The following RECQL variants were observed in gnomAD, a reference collection of about 807,000 sequenced individuals.
RECQL encodes the protein ATP-dependent DNA helicase Q1.
RECQL carries 73 observed loss-of-function variants against 75.8 expected under a neutral mutation model. That is an observed-to-expected ratio of 0.96 (90% CI 0.80 to 1.17). The LOEUF (loss-of-function observed/expected upper bound fraction) is 1.17. RECQL is among the 50% of genes most tolerant of loss of function. The pLI, the probability that RECQL is intolerant of heterozygous loss-of-function variation, is 0.00. For missense variants in RECQL, 699 were observed against 772.1 expected (o/e 0.91, Z 1.12); for synonymous variants, 248 against 254.4 (o/e 0.97, Z 0.24).
At chr12:21,492,878 C>G (rs1347948723) in intron 2 of RECQL, among the ~76,000 whole-genome samples, 1 of 152,232 alleles carries the variant, frequency 6.6e-6, no homozygotes, top group Non-Finnish European at 1.5e-5. Context: ...AGCATCCTAA[C>G]TTTGTCCTCA....
Position 21,475,875 on chromosome 12 carries a change from G to A in RECQL, c.950-51C>T, listed in dbSNP as rs763501811. 3.1e-5 allele frequency: 45 copies of A among 1,461,092 alleles called. No homozygotes were observed. The Admixed American group carries it at 7.3e-4, about 24-fold the overall frequency. The allele number at this position is 1,461,092 out of a possible 1,614,324, so 90.5% of individuals were successfully genotyped here. ...AGATAGATATGGCATATTCCTGGAA[G>A]ATGGTTTTCAACACACACATTCAGG... On this transcript the variant is annotated intron_variant, in intron 8 of 14. Coordinates refer to ENST00000444129, the MANE Select transcript of RECQL (RefSeq NM_002907.4).
At position 21,477,822 on chromosome 12, in the gene RECQL, C is replaced by T. The variant is rs1943114135; in HGVS notation, c.848G>A (p.Arg283Lys). Residue 283 changes from arginine to lysine, a missense_variant, in exon 7 of 15, where the codon AGG becomes AAG. Arg to Lys is a conservative substitution (Grantham distance 26). This residue lies in a region of RECQL where 669 missense variants were observed against 713.5 expected (regional missense o/e 0.94). Coordinates refer to ENST00000444129, the MANE Select transcript of RECQL (RefSeq NM_002907.4). ...KCFTFTASFN[R>K]PNLYYEVRQK... Reference sequence around the variant, plus strand: ...ACATACCTCATAATATAGATTTGGCCTATTAAAAGAAGCTGTAAAAGTAAA... The same window carrying T: ...ACATACCTCATAATATAGATTTGGCTTATTAAAAGAAGCTGTAAAAGTAAA... 6.2e-7 allele frequency: 1 copy of T among 1,612,194 alleles called. No homozygotes were observed. Among genetic ancestry groups the T allele is most frequent in the East Asian group, 2.2e-5 (1 of 44,836 alleles).
intron 12 of RECQL, among the ~76,000 whole-genome samples, chr12:21,472,694 C>A (rs1943002462): frequency 6.6e-6 from 1 of 151,998 alleles, no homozygotes; most frequent in Admixed American, 6.6e-5. Context: ...CTTGTTTTGA[C>A]CAGATCCTGT....
Position 21,484,953 on chromosome 12 carries a change from GA to G in RECQL, c.502-1380del, listed in dbSNP as rs567815841. 1.0e-3 allele frequency among the ~76,000 whole-genome samples: 155 copies of G among 152,036 alleles called. 1 individual carries two copies. In the Middle Eastern group the frequency reaches 0.014, roughly 13 times the overall value. On this transcript the variant is annotated intron_variant, in intron 5 of 14. Coordinates refer to ENST00000444129, the MANE Select transcript of RECQL (RefSeq NM_002907.4). ...ATTTTCATCATGCAGAGTTAATGAG[GA>G]AAAAGTTTATTTTTGTAGAAAAAGT...
At chr12:21,474,414 A>C (rs1213054746) in intron 11 of RECQL, among the ~76,000 whole-genome samples, 3 of 152,090 alleles carry the variant, frequency 2.0e-5, no homozygotes, top group Non-Finnish European at 4.4e-5. Context: ...AGCCACCCTA[A>C]GTAGATTTAA....
chr12:21,495,348 G>C (rs1943485505), intron 2 of RECQL, among the ~76,000 whole-genome samples: 1 of 152,194 alleles, frequency 6.6e-6, no homozygotes, highest in South Asian at 2.1e-4. Flanking sequence ...TGTAATCCCA[G>C]CACTTTGGGA....
intron 6 of RECQL, among the ~76,000 whole-genome samples, chr12:21,482,902 A>C (rs1223428904): frequency 6.6e-6 from 1 of 152,204 alleles, no homozygotes; most frequent in Non-Finnish European, 1.5e-5. Context: ...ATATCTCATC[A>C]AAGTTTCATG....
At chr12:21,493,040 T>C (rs913934579) in intron 2 of RECQL, among the ~76,000 whole-genome samples, 1 of 152,164 alleles carries the variant, frequency 6.6e-6, no homozygotes, top group Admixed American at 6.5e-5. Context: ...TCACATAAGT[T>C]TTAATCCCCA....
intron 7 of RECQL, among the ~76,000 whole-genome samples, chr12:21,477,370 G>T (rs779499775): frequency 1.3e-5 from 2 of 152,124 alleles, no homozygotes; most frequent in African/African-American, 2.4e-5. Context: ...ACAGCTGTTA[G>T]GTTATTTGAT....
intron 6 of RECQL, among the ~76,000 whole-genome samples, chr12:21,481,683 C>T (rs983042896): frequency 6.6e-6 from 1 of 152,138 alleles, no homozygotes. Context: ...AGAATGCAGT[C>T]TTCGGGCTAC....
At chr12:21,473,484 A>G (rs1943023079) in intron 12 of RECQL, 67 bp downstream of exon 12, 1 of 1,196,864 alleles carries the variant, frequency 8.4e-7, no homozygotes, top group African/African-American at 1.5e-5. Context: ...ATTTCTCAGA[A>G]CGTATCTCTG....
chr12:21,500,330 G>A (rs1418145037), intron 1 of RECQL, among the ~76,000 whole-genome samples: 3 of 152,098 alleles, frequency 2.0e-5, no homozygotes, highest in African/African-American at 2.4e-5. Context: ...ATGGACAAGT[G>A]GAAAATGGGG....
In RECQL at chr12:21,469,961, G is replaced by A; in HGVS notation, c.*233C>T. On this transcript the variant is annotated 3_prime_UTR_variant, in exon 15 of 15. Coordinates refer to ENST00000444129, the MANE Select transcript of RECQL (RefSeq NM_002907.4). ...TATTCTCAAATATTTTACATTTAAAGGGTTTTACATAAAAATTTTTCCCTT... is the reference window on the plus strand; with the variant it reads ...TATTCTCAAATATTTTACATTTAAAAGGTTTTACATAAAAATTTTTCCCTT... 2.3e-6 allele frequency: 1 copy of A among 436,284 alleles called. No homozygotes were observed. The highest frequency in any genetic ancestry group is 3.9e-6 in the Non-Finnish European group (1 of 259,516). The allele number at this position is 436,284 out of a possible 1,614,324, so 27.0% of individuals were successfully genotyped here.
chr12:21,494,389 T>G (rs1408727118), intron 2 of RECQL, among the ~76,000 whole-genome samples: 1 of 152,220 alleles, frequency 6.6e-6, no homozygotes, highest in Non-Finnish European at 1.5e-5. Context: ...ATAAAGGTAC[T>G]GAAACAGGGT....
In RECQL at chr12:21,469,561, A is replaced by C. The variant is rs534231933; in HGVS notation, c.*633T>G. ...TAATATTGCTTTCAAAAAGATGGTT[A>C]TGTCAAAAGAAAAAATATAGCTAAG... is the stretch of plus-strand genomic sequence containing the variant. On this transcript the variant is annotated 3_prime_UTR_variant, in exon 15 of 15. Transcript: ENST00000444129. 28 of 152,066 alleles carry C rather than the reference A, an allele frequency of 1.8e-4. No individual in the cohort carries two copies. The highest frequency in any genetic ancestry group is 6.5e-4 in the African/African-American group (27 of 41,440). The allele number at this position is 152,066 out of a possible 1,614,324, so 9.4% of individuals were successfully genotyped here.
chr12:21,471,863 G>A (rs926881511), intron 12 of RECQL, among the ~76,000 whole-genome samples: 23 of 152,090 alleles, frequency 1.5e-4, no homozygotes, highest in Admixed American at 1.2e-3. Context: ...GGGGTTTACA[G>A]TGATATATAT....
In RECQL at chr12:21,491,518, C is replaced by T. The variant is rs1344601217; in HGVS notation, c.214+1G>A. ...GCAAAAAAAAAAAAAAAAAAGTTAACCTTCTTTATTCCAAGCGGCAGGTGA... is the reference window on the plus strand; with the variant it reads ...GCAAAAAAAAAAAAAAAAAAGTTAATCTTCTTTATTCCAAGCGGCAGGTGA... On this transcript the variant is annotated splice_donor_variant, in intron 3 of 14. Coordinates refer to ENST00000444129, the MANE Select transcript of RECQL (RefSeq NM_002907.4). LOFTEE classifies it high-confidence loss of function. 1.3e-6 allele frequency: 2 copies of T among 1,510,214 alleles called. No individual in the cohort carries two copies. Among genetic ancestry groups the T allele is most frequent in the South Asian group, 1.3e-5 (1 of 77,392 alleles). The allele number at this position is 1,510,214 out of a possible 1,614,324, so 93.6% of individuals were successfully genotyped here. A position where few individuals can be genotyped will look rare whatever the true frequency, so the allele number is the denominator to read the frequency against.
chr12:21,479,929 T>C (rs187992408), intron 6 of RECQL, among the ~76,000 whole-genome samples: 1 of 152,318 alleles, frequency 6.6e-6, no homozygotes, highest in African/African-American at 2.4e-5. Context: ...CATTCATCAA[T>C]AGATAAATGT....
Position 21,471,479 on chromosome 12 carries a change from C to A in RECQL, c.1616G>T (p.Arg539Leu), listed in dbSNP as rs367657766. ...VAGVVAPTLPREDLEKIIAHF... is the reference protein window; with the variant it reads ...VAGVVAPTLPLEDLEKIIAHF... ...TGCAATAATCTTCTCCAGATCTTCA[C>A]GAGGAAGTGTGGGAGCCACAACACC... Residue 539 changes from arginine (R) to leucine (L), a missense_variant, in exon 13 of 15, where the codon CGT (arginine) becomes CTT (leucine). Arg to Leu is a moderately radical substitution (Grantham distance 102, BLOSUM62 -2). This residue lies in a region of RECQL where 669 missense variants were observed against 713.5 expected (regional missense o/e 0.94). Coordinates refer to ENST00000444129, the MANE Select transcript of RECQL (RefSeq NM_002907.4). 1 of 1,613,020 alleles carries A rather than the reference C, an allele frequency of 6.2e-7. No homozygotes were observed. The highest frequency in any genetic ancestry group is 1.3e-5 in the African/African-American group (1 of 74,850).
Sources: allele counts gnomAD v4.1 joint callset (sites outside exome capture counted in the v4.1 genomes callset), GRCh38; gene constraint gnomAD v4.1.1; regional missense constraint gnomAD v4.1.1; transcripts MANE v1.5; gene names NCBI Gene and HGNC (gene_info 2026-07-23, HGNC 2026-07-21).